DCSTAMP: variants seen among roughly 807,000 people sequenced by gnomAD.
DCSTAMP encodes the protein dendritic cell-specific transmembrane protein.
In DCSTAMP, 25 loss-of-function variants were observed where a neutral mutation model predicts 33.8. That is an observed-to-expected ratio of 0.74 (90% confidence interval 0.54 to 1.03). The LOEUF (loss-of-function observed/expected upper bound fraction) is 1.03. Among genes scored for constraint, DCSTAMP ranks in the 50% least tolerant of loss-of-function variants. The pLI is 0.00. For synonymous variants in DCSTAMP, 245 were observed against 216.7 expected, an observed-to-expected ratio of 1.13 and a Z score of -1.15; for missense variants, 531 against 556.8, an observed-to-expected ratio of 0.95 and a Z score of 0.47.
chr8:104,349,257 G>T lies in DCSTAMP; in HGVS notation c.705G>T (p.Leu235Phe). The T allele has an allele frequency of 6.2e-7, 1 of 1,614,176 alleles. No individual in the cohort carries two copies. The highest frequency in any genetic ancestry group is 8.5e-7 in the Non-Finnish European group (1 of 1,180,030). ...CTGGCCTCTTCATGAAGCGATTTTT[G>T]GGCCCTTGTGGTTGGAAGTATGAAA... The part of the protein sequence containing the change: ...LGTGLFMKRF[L>F]GPCGWKYENI... Residue 235 changes from leucine (L) to phenylalanine (F), a missense_variant, in exon 2 of 4, where the codon TTG becomes TTT. Coordinates refer to ENST00000297581, the MANE Select transcript of DCSTAMP (RefSeq NM_030788.4).
intron 1 of DCSTAMP, among the ~76,000 whole-genome samples, chr8:104,342,613 T>G (rs2099383109): frequency 6.6e-6 from 1 of 152,232 alleles, no homozygotes; most frequent in Admixed American, 6.5e-5. Flanking sequence ...CCTTACTTCC[T>G]TCACTGTTTC....
chr8:104,348,721 T>G lies in DCSTAMP; in HGVS notation c.169T>G (p.Ser57Ala). 6.2e-7 allele frequency: 1 copy of G among 1,614,162 alleles called. No individual in the cohort carries two copies. Among genetic ancestry groups the G allele is most frequent in the Non-Finnish European group, 8.5e-7 (1 of 1,180,030 alleles). The stretch of plus-strand genomic sequence containing the variant: ...TGTGGCCGCCTGCTGGTTTCTGCCA[T>G]CAATCATAGCGGCCGCTGCCTCCTG... ...LSVAACWFLP[S>A]IIAAAASWII... The change falls in exon 2 of 4, where the codon TCA becomes GCA. Residue 57 changes from serine to alanine, a missense_variant. Ser to Ala is a moderately conservative substitution (Grantham distance 99). Coordinates refer to ENST00000297581, the MANE Select transcript of DCSTAMP (RefSeq NM_030788.4).
intron 1 of DCSTAMP, among the ~76,000 whole-genome samples, chr8:104,345,632 C>A (rs1007159293): frequency 1.2e-4 from 18 of 152,034 alleles, no homozygotes; most frequent in African/African-American, 4.3e-4. Context: ...GTCCATAAAT[C>A]TTTTTCATAC....
In DCSTAMP at chr8:104,349,069, GTC is replaced by G. The variant is rs1276281103; in HGVS notation, c.523_524del (p.Leu175PhefsTer13). The G allele has an allele frequency of 1.2e-6, 2 of 1,614,114 alleles. No individual in the cohort carries two copies. The highest frequency in any genetic ancestry group is 1.3e-5 in the African/African-American group (1 of 75,056). On this transcript the variant is annotated frameshift_variant, in exon 2 of 4. Coordinates refer to ENST00000297581, the MANE Select transcript of DCSTAMP (RefSeq NM_030788.4). LOFTEE classifies it high-confidence loss of function. The stretch of plus-strand genomic sequence containing the variant: ...TGTTTCTTGGAACCAGACCCTGGCA[GTC>G]TCTCTTTTCAGTCCCAGCCATGTCC... ...DLVSWNQTLA[V>X]SLFSPSHVLE...
chr8:104,352,027 C>A (rs1308084612), intron 2 of DCSTAMP, among the ~76,000 whole-genome samples: 1 of 152,156 alleles, frequency 6.6e-6, no homozygotes, highest in Non-Finnish European at 1.5e-5. Context: ...GCTGTTTCCA[C>A]GGGTCTGATT....
At chr8:104,356,082 T>C in intron 3 of DCSTAMP, 42 bp from the exon 4 acceptor site, 1 of 1,576,064 alleles carries the variant, frequency 6.3e-7, no homozygotes, top group African/African-American at 1.4e-5. Context: ...TTAAAATGAC[T>C]CCAACTCCAA....
At chr8:104,342,526 G>T (rs1471793897) in intron 1 of DCSTAMP, among the ~76,000 whole-genome samples, 1 of 152,186 alleles carries the variant, frequency 6.6e-6, no homozygotes, top group Non-Finnish European at 1.5e-5. Flanking sequence ...GTTAAATGGG[G>T]GCATGGGCTC....
Position 104,349,580 on chromosome 8 carries a change from A to G in DCSTAMP, c.1028A>G (p.Glu343Gly). The G allele has an allele frequency of 6.2e-7, 1 of 1,607,806 alleles. No homozygotes were observed. ...GAGGTTCACTTGAAACTGCACGGAG[A>G]GGTAGGGCCCACAGGTACTTCTCAT... Reference protein sequence around the residue: ...GFEVHLKLHGEKQGTQDIIHD... With the variant: ...GFEVHLKLHGGKQGTQDIIHD... Residue 343 changes from glutamate to glycine, a missense_variant and splice_region_variant, in exon 2 of 4, where the codon GAG becomes GGG. Physicochemically the swap from Glu to Gly is moderately conservative, Grantham distance 98. Transcript: ENST00000297581.
chr8:104,354,380 A>G (rs536220171), intron 2 of DCSTAMP, among the ~76,000 whole-genome samples: 49 of 152,268 alleles, frequency 3.2e-4, no homozygotes, highest in Middle Eastern at 3.4e-3. Flanking sequence ...ATGGGGTCCT[A>G]AGGGGCTATG....
intron 1 of DCSTAMP, among the ~76,000 whole-genome samples, chr8:104,341,666 TGGCTCTGCAG>T (rs1351721191): frequency 6.6e-6 from 1 of 152,250 alleles, no homozygotes; most frequent in Non-Finnish European, 1.5e-5. Flanking sequence ...ACAGACTGCA[TGGCTCTGCAG>T]GGCTCTCAGC....
chr8:104,349,607 G>A (rs574247758), intron 2 of DCSTAMP, 26 bp downstream of exon 2: 4 of 1,580,194 alleles, frequency 2.5e-6, no homozygotes, highest in South Asian at 2.4e-5. Flanking sequence ...ACTTCTCATG[G>A]TTTATCCCGG....
At chr8:104,345,553 C>G (rs183192310) in intron 1 of DCSTAMP, among the ~76,000 whole-genome samples, 50 of 152,228 alleles carry the variant, frequency 3.3e-4, no homozygotes, top group Non-Finnish European at 2.6e-4. Context: ...TCTTACAGGA[C>G]AAAATTGCAG....
intron 1 of DCSTAMP, among the ~76,000 whole-genome samples, chr8:104,347,919 A>T (rs999418132): frequency 1.3e-5 from 2 of 152,200 alleles, no homozygotes; most frequent in East Asian, 3.9e-4. Context: ...AAGGGCTCTT[A>T]TAAGAGGGAG....
chr8:104,341,397 C>T (rs2099382809), intron 1 of DCSTAMP, among the ~76,000 whole-genome samples: 1 of 152,206 alleles, frequency 6.6e-6, no homozygotes, highest in Non-Finnish European at 1.5e-5. Context: ...TGCCGGTCTC[C>T]TTCACTCATC....
chr8:104,349,623 T>C (rs766371572), intron 2 of DCSTAMP, 42 bp downstream of exon 2: 1 of 1,563,738 alleles, frequency 6.4e-7, no homozygotes, highest in Non-Finnish European at 8.6e-7. Context: ...CCCGGCTATT[T>C]GCTGGTCTGT....
In DCSTAMP at chr8:104,348,805, G is replaced by C; in HGVS notation, c.253G>C (p.Val85Leu). Reference sequence around the variant, plus strand: ...GCATGCACGATGTTTTATTCTTCTTGTCTTTCTCTCTTGTGGCCTGCGTGA... The same window carrying C: ...GCATGCACGATGTTTTATTCTTCTTCTCTTTCTCTCTTGTGGCCTGCGTGA... ...SKHARCFILL[V>L]FLSCGLREGR... Residue 85 changes from valine to leucine, a missense_variant, in exon 2 of 4, where the codon GTC (valine) becomes CTC (leucine). Transcript: ENST00000297581. 6.2e-7 allele frequency: 1 copy of C among 1,614,122 alleles called. No individual in the cohort carries two copies. The highest frequency in any genetic ancestry group is 1.1e-5 in the South Asian group (1 of 91,074).
At position 104,356,465 on chromosome 8, in the gene DCSTAMP, C is replaced by T. The variant is rs1366705259; in HGVS notation, c.*267C>T. 3.7e-6 allele frequency: 1 copy of T among 267,776 alleles called. No homozygotes were observed. The allele number at this position is 267,776 out of a possible 1,614,324, so 16.6% of individuals were successfully genotyped here. On this transcript the variant is annotated 3_prime_UTR_variant, in exon 4 of 4. Transcript: ENST00000297581. ...AATGTAACAAGACTCTAGCTGGGTC[C>T]CCTGGTGATGAGTTTCAGCATAGAA...
rs760898491 is a variant in DCSTAMP, at chr8:104,348,554, TG to T, written c.5del (p.Gly2?). On this transcript the variant is annotated frameshift_variant and start_lost, in exon 2 of 4. Transcript: ENST00000297581. LOFTEE classifies it high-confidence loss of function. [M>X]GIWTSGTDIF... ...TTTCATTTTCAGGACGCAGGGAGCA[TG>T]GGTATCTGGACCTCAGGCACTGATA... is the stretch of plus-strand genomic sequence containing the variant. 54 of 1,611,722 alleles carry T rather than the reference TG, an allele frequency of 3.4e-5. No individual in the cohort carries two copies. Among genetic ancestry groups the T allele is most frequent in the Non-Finnish European group, 4.4e-5 (52 of 1,178,786 alleles).
chr8:104,340,068 T>C (rs536927786), intron 1 of DCSTAMP, among the ~76,000 whole-genome samples: 21 of 152,250 alleles, frequency 1.4e-4, no homozygotes, highest in African/African-American at 4.6e-4. Flanking sequence ...AATATCTTCT[T>C]ATGGGTGTAG....
Sources: gnomAD v4.1 joint callset for allele counts (sites outside exome capture counted in the v4.1 genomes callset) on GRCh38, gnomAD v4.1.1 for gene constraint, MANE v1.5 for transcripts, NCBI Gene and HGNC (gene_info 2026-07-23, HGNC 2026-07-21) for gene names.